KCNT1: variants seen among roughly 807,000 people sequenced by gnomAD.
The protein encoded by KCNT1 is potassium sodium-activated channel subfamily T member 1.
A neutral mutation model predicts 147.8 loss-of-function variants in KCNT1; 78 were observed. The ratio of observed to expected loss-of-function variants is 0.53; its 90% CI spans 0.44 to 0.64. The LOEUF (loss-of-function observed/expected upper bound fraction) is 0.64. Ranked by LOEUF, KCNT1 falls within the 30% of genes least tolerant of loss-of-function variation. The pLI is 0.00. For synonymous variants in KCNT1, 867 were observed against 748.8 expected (o/e 1.16, Z -2.58); for missense variants, 1,419 against 1,750.3 (o/e 0.81, Z 3.38).
Position 135,791,832 on chromosome 9 carries a change from G to A in KCNT1, c.3538G>A (p.Val1180Ile), listed in dbSNP as rs754383898. The change falls in exon 30 of 31, where the codon GTC becomes ATC. Residue 1180 changes from valine to isoleucine, a missense_variant. Around this residue, in one of 5 missense-constraint regions of KCNT1, gnomAD observed 306 missense variants for 294.2 expected, o/e 1.04. Transcript: ENST00000371757. ...CGACCACCAGAACACCCTCTCCTAC[G>A]TCCTCATCAACCCTCCGCCCGACAC... The part of the protein sequence containing the change: ...MNDHQNTLSY[V>I]LINPPPDTRL... 8.7e-6 allele frequency: 14 copies of A among 1,613,728 alleles called. No individual in the cohort carries two copies. Among genetic ancestry groups the A allele is most frequent in the East Asian group, 2.2e-5 (1 of 44,884 alleles).
chr9:135,753,121 G>A (rs1831285577), intron 4 of KCNT1, among the ~76,000 whole-genome samples: 1 of 103,984 alleles, frequency 9.6e-6, no homozygotes, highest in South Asian at 3.3e-4. Flanking sequence ...TGGAGAGATG[G>A]ATGATGGAGA....
chr9:135,785,899 G>A, intron 28 of KCNT1: 1 of 506,760 alleles, frequency 2.0e-6, no homozygotes, highest in Non-Finnish European at 3.5e-6. Context: ...CAGAAATAAG[G>A]GCTCAGAGAG....
chr9:135,714,306 T>C lies in KCNT1; in HGVS notation c.111-271T>C, dbSNP rs1007285720. On this transcript the variant is annotated intron_variant, in intron 1 of 30. Coordinates refer to ENST00000371757, the MANE Select transcript of KCNT1 (RefSeq NM_020822.3). This position sits in a 1 kb window ranked among gnomAD's most constrained non-coding sequence, Gnocchi z 6.2. ...CTGGCCATGACAGCTCCCGTCCCCC[T>C]TACCTCCTGCCAGGCCCCGGGGCCG... Among the ~76,000 whole-genome samples the C allele has an allele frequency of 2.4e-4, 36 of 151,624 alleles. No individual in the cohort carries two copies. Among genetic ancestry groups the C allele is most frequent in the African/African-American group, 8.7e-4 (36 of 41,422 alleles).
At chr9:135,726,830 A>ACTCTCTCCCTGTCTCTCTCC (rs1836173440) in intron 2 of KCNT1, among the ~76,000 whole-genome samples, 2 of 26,864 alleles carry the variant, frequency 7.4e-5, no homozygotes, top group Non-Finnish European at 1.5e-4. Context: ...CCATTCTCTC[A>ACTCTCTCCCTGTCTCTCTCC]CTCTCTCCCT....
At chr9:135,729,136 C>A (rs927978892) in intron 2 of KCNT1, among the ~76,000 whole-genome samples, 1 of 152,202 alleles carries the variant, frequency 6.6e-6, no homozygotes, top group African/African-American at 2.4e-5. Flanking sequence ...ATTAAGTTCG[C>A]TGAGCAGTTG....
At chr9:135,747,285 T>C (rs907177236) in intron 2 of KCNT1, among the ~76,000 whole-genome samples, 2 of 149,382 alleles carry the variant, frequency 1.3e-5, no homozygotes, top group Non-Finnish European at 3.0e-5. Flanking sequence ...TAGGAGCAAG[T>C]GAGGTGAGCA....
intron 2 of KCNT1, among the ~76,000 whole-genome samples, chr9:135,739,455 A>C (rs1830471143): frequency 7.2e-6 from 1 of 138,360 alleles, no homozygotes. Context: ...GACCCCGGAC[A>C]CCCTTGCCAG....
At chr9:135,734,109 T>C (rs2131368490) in intron 2 of KCNT1, among the ~76,000 whole-genome samples, 1 of 152,310 alleles carries the variant, frequency 6.6e-6, no homozygotes, top group East Asian at 1.9e-4. Flanking sequence ...TGGAGACACG[T>C]TTGAACCACA....
chr9:135,792,117 C>T lies in KCNT1; in HGVS notation c.3664C>T (p.Leu1222=), dbSNP rs755694160. Residue 1222 remains leucine, a synonymous_variant, in exon 31 of 31, where the codon CTG becomes TTG. Coordinates refer to ENST00000371757, the MANE Select transcript of KCNT1 (RefSeq NM_020822.3). ...CCGGAAGAGCAGCTGCAGCCACAAGCTGTCGTCCTGCAACCCCGAGACTCG... is the reference window on the plus strand; with the variant it reads ...CCGGAAGAGCAGCTGCAGCCACAAGTTGTCGTCCTGCAACCCCGAGACTCG... ...QSRKSSCSHK[L]SSCNPETRDE... 1.1e-5 allele frequency: 17 copies of T among 1,605,834 alleles called. No homozygotes were observed. In the East Asian group the frequency reaches 3.8e-4, roughly 36 times the overall value.
intron 2 of KCNT1, among the ~76,000 whole-genome samples, chr9:135,746,840 C>T (rs1830857953): frequency 1.3e-5 from 2 of 152,042 alleles, no homozygotes; most frequent in African/African-American, 4.8e-5. Flanking sequence ...AGCCCAAGGC[C>T]CAGAGGGAGG....
In KCNT1 at chr9:135,770,356, G is replaced by C; in HGVS notation, c.1678G>C (p.Glu560Gln). 1.2e-6 allele frequency: 2 copies of C among 1,613,014 alleles called. No homozygotes were observed. Among genetic ancestry groups the C allele is most frequent in the Non-Finnish European group, 8.5e-7 (1 of 1,179,740 alleles). The change falls in exon 17 of 31, where the codon GAG becomes CAG. Residue 560 changes from glutamate (E) to glutamine (Q), a missense_variant. Glu to Gln is a conservative substitution (Grantham distance 29). Around this residue, in one of 5 missense-constraint regions of KCNT1, gnomAD observed 284 missense variants for 292.8 expected, o/e 0.97. Coordinates refer to ENST00000371757, the MANE Select transcript of KCNT1 (RefSeq NM_020822.3). Reference sequence around the variant, plus strand: ...CATGTATGGGCGCTGCTCCGGCAACGAGGTGTACCACATCCGCATGGGTGA... The same window carrying C: ...CATGTATGGGCGCTGCTCCGGCAACCAGGTGTACCACATCCGCATGGGTGA... ...QRMYGRCSGN[E>Q]VYHIRMGDSK... is the part of the protein sequence containing the mutation.
intron 29 of KCNT1, chr9:135,789,785 T>A (rs1588417054): frequency 2.6e-5 from 4 of 151,804 alleles, no homozygotes; most frequent in Admixed American, 2.6e-4. Context: ...AGGGGCGAGG[T>A]GGCCCTGCCC....
At chr9:135,742,111 G>T (rs965303377) in intron 2 of KCNT1, among the ~76,000 whole-genome samples, 1 of 152,202 alleles carries the variant, frequency 6.6e-6, no homozygotes, top group Non-Finnish European at 1.5e-5. Flanking sequence ...GTGGCTGCTG[G>T]CGTGGTGGAG....
Position 135,765,725 on chromosome 9 carries a change from CT to C in KCNT1, c.1303del (p.Ser435LeufsTer44). On this transcript the variant is annotated frameshift_variant, in exon 13 of 31. Transcript: ENST00000371757. LOFTEE classifies it high-confidence loss of function. ...WSQRVIYLQG[S>X]ALKDQDLMRA... is the part of the protein sequence containing the mutation. ...CCCAGCGGGTCATCTACCTCCAGGG[CT>C]CTGCACTCAAAGACCAGGACCTCAT... The C allele has an allele frequency of 6.2e-7, 1 of 1,609,022 alleles. No homozygotes were observed. Among genetic ancestry groups the C allele is most frequent in the South Asian group, 1.1e-5 (1 of 90,588 alleles).
chr9:135,707,045 G>A (rs10858152), intron 1 of KCNT1, among the ~76,000 whole-genome samples: 54,015 of 151,066 alleles, frequency 0.36, 11,369 homozygotes, highest in Middle Eastern at 0.66. Flanking sequence ...GGTGCTTTTG[G>A]AGGCTAAGGC....
chr9:135,766,347 T>C (rs1009189878), intron 13 of KCNT1, among the ~76,000 whole-genome samples: 1 of 146,210 alleles, frequency 6.8e-6, no homozygotes, highest in African/African-American at 2.6e-5. Context: ...GAGTGAACCA[T>C]CTGGGATGGA....
intron 2 of KCNT1, among the ~76,000 whole-genome samples, chr9:135,723,331 A>C (rs1406016157): frequency 6.6e-6 from 1 of 152,212 alleles, no homozygotes; most frequent in Non-Finnish European, 1.5e-5. Flanking sequence ...TGTACCTAGA[A>C]ATTGTCCTGC....
chr9:135,786,732 G>A (rs1313107451), intron 29 of KCNT1, among the ~76,000 whole-genome samples: 1 of 152,274 alleles, frequency 6.6e-6, no homozygotes, highest in Non-Finnish European at 1.5e-5. Flanking sequence ...GCCCCGTGCA[G>A]AGGAGGGAAG....
Position 135,757,347 on chromosome 9 carries a change from G to A in KCNT1, c.725G>A (p.Cys242Tyr). The A allele has an allele frequency of 6.2e-7, 1 of 1,610,902 alleles. No individual in the cohort carries two copies. Among genetic ancestry groups the A allele is most frequent in the South Asian group, 1.1e-5 (1 of 91,054 alleles). The part of the protein sequence containing the change: ...RNLFIPVFLN[C>Y]WLAKHALENM... Reference sequence around the variant, plus strand: ...CTGTTCATCCCCGTCTTTCTGAACTGCTGGCTGGCCAAGCACGCGCTGGAA... The same window carrying A: ...CTGTTCATCCCCGTCTTTCTGAACTACTGGCTGGCCAAGCACGCGCTGGAA... The change falls in exon 9 of 31, where the codon TGC becomes TAC. Residue 242 changes from cysteine to tyrosine, a missense_variant. Around this residue, in one of 5 missense-constraint regions of KCNT1, gnomAD observed 401 missense variants for 610.6 expected, o/e 0.66. Transcript: ENST00000371757.
Sources: allele counts gnomAD v4.1 joint callset (sites outside exome capture counted in the v4.1 genomes callset), GRCh38; gene constraint gnomAD v4.1.1; regional missense constraint gnomAD v4.1.1; non-coding constraint Gnocchi (gnomAD v3.1); transcripts MANE v1.5; gene names NCBI Gene and HGNC (gene_info 2026-07-23, HGNC 2026-07-21).